The following OCA2 variants were observed in gnomAD, a reference collection of about 807,000 sequenced individuals.
The protein encoded by OCA2 is P protein.
Under a neutral mutation model 100.2 loss-of-function variants are expected in OCA2, and 77 were observed. The observed-to-expected ratio is 0.77, with a 90% CI of 0.64 to 0.93. The LOEUF is 0.93. Among genes scored for constraint, OCA2 ranks in the 40% least tolerant of loss-of-function variants. The pLI is 0.00. For synonymous variants in OCA2, 432 were observed against 439.2 expected, an observed-to-expected ratio of 0.98 and a Z score of 0.21; for missense variants, 1,062 against 1,089.1, an observed-to-expected ratio of 0.98 and a Z score of 0.35.
At chr15:27,862,901 A>G (rs1319666524) in intron 21 of OCA2, among the ~76,000 whole-genome samples, 2 of 152,216 alleles carry the variant, frequency 1.3e-5, no homozygotes, top group African/African-American at 2.4e-5. Flanking sequence ...TATACTTTCA[A>G]ATTTAAATAC....
intron 2 of OCA2, among the ~76,000 whole-genome samples, chr15:28,060,409 C>G (rs1390093637): frequency 6.6e-6 from 1 of 152,194 alleles, no homozygotes; most frequent in Non-Finnish European, 1.5e-5. Context: ...AATGACTTGT[C>G]TGTTCTAAGC....
chr15:27,733,485 C>A, the OCA2 span, among the ~76,000 whole-genome samples: 2 of 152,110 alleles, frequency 1.3e-5, no homozygotes, highest in African/African-American at 2.4e-5. Context: ...GGCCTCATGG[C>A]CTCATGTTGC....
chr15:27,841,393 C>A (rs1375201743), intron 23 of OCA2, among the ~76,000 whole-genome samples: 2 of 152,144 alleles, frequency 1.3e-5, no homozygotes, highest in African/African-American at 4.8e-5. Context: ...ATGGCAGCAT[C>A]CTGGCTATGA....
At position 27,851,307 on chromosome 15, in the gene OCA2, A is replaced by G. The variant is rs8025804; in HGVS notation, c.2338+75T>C. On this transcript the variant is annotated intron_variant, in intron 22 of 23. Transcript: ENST00000354638. The stretch of plus-strand genomic sequence containing the variant: ...CCTTCATTTGCTTTTAATCTGATAC[A>G]CACTAACTGTTGCTTTGGGCTGAAC... The G allele has an allele frequency of 0.36, 420,525 of 1,159,924 alleles. 78,026 individuals carry two copies. Among genetic ancestry groups the G allele is most frequent in the Middle Eastern group, 0.48 (2,106 of 4,392 alleles). The allele number at this position is 1,159,924 out of a possible 1,614,324, so 71.9% of individuals were successfully genotyped here. A position where few individuals can be genotyped will look rare whatever the true frequency, so the allele number is the denominator to read the frequency against.
At chr15:27,764,013 T>G in intron 23 of OCA2, among the ~76,000 whole-genome samples, 1 of 145,936 alleles carries the variant, frequency 6.9e-6, no homozygotes, top group African/African-American at 2.6e-5. Flanking sequence ...GTTTGGGGAG[T>G]GGAGAGAGAC....
intron 19 of OCA2, among the ~76,000 whole-genome samples, chr15:27,885,403 C>T (rs2037183508): frequency 6.6e-6 from 1 of 152,154 alleles, no homozygotes; most frequent in Admixed American, 6.5e-5. Context: ...CCCCTTCACA[C>T]CCAAAGGAGG....
At chr15:28,056,115 T>A (rs72712675) in intron 2 of OCA2, among the ~76,000 whole-genome samples, 14,015 of 152,080 alleles carry the variant, frequency 0.092, 826 homozygotes, top group African/African-American at 0.16. Context: ...GCTGTACAAG[T>A]GCCTGCAACG....
intron 2 of OCA2, among the ~76,000 whole-genome samples, chr15:28,076,776 A>G (rs200493446): frequency 2.0e-5 from 3 of 146,836 alleles, no homozygotes; most frequent in African/African-American, 7.7e-5. Context: ...GAACCCGGGA[A>G]GCGGAGCTTG....
Position 27,780,074 on chromosome 15 carries a change from G to A in OCA2, c.2433-24602C>T, listed in dbSNP as rs142409638. ...AAGTAGAGTTAGGGTGAGCATGACT[G>A]AAAGCAGAGTTCTCTCAAAGAGATT... On this transcript the variant is annotated intron_variant, in intron 23 of 23. Coordinates refer to ENST00000354638, the MANE Select transcript of OCA2 (RefSeq NM_000275.3). Among the ~76,000 whole-genome samples the A allele has an allele frequency of 7.3e-3, 1,112 of 152,308 alleles. 29 individuals carry two copies. Among genetic ancestry groups the A allele is most frequent in the Admixed American group, 0.043 (662 of 15,298 alleles).
At chr15:27,851,251 G>A (rs1164800104) in intron 22 of OCA2, 131 bp downstream of exon 22, 3 of 794,622 alleles carry the variant, frequency 3.8e-6, no homozygotes, top group Non-Finnish European at 6.5e-6. Flanking sequence ...AGCTGAATAT[G>A]TGTGTCCACT....
the OCA2 span, among the ~76,000 whole-genome samples, chr15:27,745,077 C>G: frequency 6.6e-6 from 1 of 152,162 alleles, no homozygotes; most frequent in Non-Finnish European, 1.5e-5. Context: ...ATCCCGACCC[C>G]CAGAGAGGGT....
At chr15:27,771,385 C>G (rs1468600816) in intron 23 of OCA2, among the ~76,000 whole-genome samples, 1 of 104,014 alleles carries the variant, frequency 9.6e-6, no homozygotes, top group Non-Finnish European at 2.1e-5. Flanking sequence ...AGAGAGAAGC[C>G]TAAAAAAAAA....
chr15:28,083,495 T>C (rs980001283), intron 1 of OCA2, among the ~76,000 whole-genome samples: 2 of 152,174 alleles, frequency 1.3e-5, no homozygotes, highest in Non-Finnish European at 1.5e-5. Flanking sequence ...AACAGTTGCA[T>C]TGGTTTTAGA....
chr15:27,730,339 G>A, the OCA2 span, among the ~76,000 whole-genome samples: 1 of 152,280 alleles, frequency 6.6e-6, no homozygotes, highest in Admixed American at 6.5e-5. Context: ...CAGGTTGGAA[G>A]AGATGCATAG....
At chr15:27,788,299 T>A (rs920588098) in intron 23 of OCA2, among the ~76,000 whole-genome samples, 7 of 152,120 alleles carry the variant, frequency 4.6e-5, no homozygotes. Context: ...CTAGTTGCTA[T>A]ATCCATTATT....
chr15:27,871,084 G>T, intron 21 of OCA2, 70 bp downstream of exon 21: 1 of 1,149,198 alleles, frequency 8.7e-7, no homozygotes. Flanking sequence ...GCTGCCTTAG[G>T]AAGGGAGGGT....
rs116726429 is a variant in OCA2 at position 27,959,996 on chromosome 15, G to A, written c.1637-2261C>T. On this transcript the variant is annotated intron_variant, in intron 15 of 23. Coordinates refer to ENST00000354638, the MANE Select transcript of OCA2 (RefSeq NM_000275.3). ...TTTACCAAAACCTGTCCATGTATCAGTTCCCAGGCTTCCTCTGCACCTCCT... is the reference window on the plus strand; with the variant it reads ...TTTACCAAAACCTGTCCATGTATCAATTCCCAGGCTTCCTCTGCACCTCCT... Among the ~76,000 whole-genome samples, 1,055 of 152,254 alleles carry A rather than the reference G, an allele frequency of 6.9e-3. 16 individuals carry two copies. Among genetic ancestry groups the A allele is most frequent in the African/African-American group, 0.024 (978 of 41,540 alleles).
intron 21 of OCA2, among the ~76,000 whole-genome samples, chr15:27,862,553 C>T (rs920615048): frequency 6.6e-6 from 1 of 151,160 alleles, no homozygotes; most frequent in Non-Finnish European, 1.5e-5. Context: ...CGGCTCACTG[C>T]AACCTCCGCC....
chr15:27,823,749 G>A (rs1322304571), intron 23 of OCA2, among the ~76,000 whole-genome samples: 1 of 152,160 alleles, frequency 6.6e-6, no homozygotes, highest in Admixed American at 6.5e-5. Flanking sequence ...TCACAGCACT[G>A]CTAATTGTCT....
Sources: allele counts gnomAD v4.1 joint callset (sites outside exome capture counted in the v4.1 genomes callset), GRCh38; gene constraint gnomAD v4.1.1; transcripts MANE v1.5; gene names NCBI Gene and HGNC (gene_info 2026-07-23, HGNC 2026-07-21).